Variants in ABI1 observed in about 807,000 individuals in gnomAD.
ABI1 encodes Abelson interactor 1.
Under a neutral mutation model 54.6 loss-of-function variants are expected in ABI1, and 14 were observed. That is an observed-to-expected ratio of 0.26 (90% CI 0.17 to 0.40). The LOEUF is 0.40. ABI1 is among the 10% of genes least tolerant of loss of function. The pLI, the probability that ABI1 is intolerant of heterozygous loss-of-function variation, is 1.00. For synonymous variants in ABI1, 194 were observed against 209.3 expected (o/e 0.93, Z 0.63); for missense variants, 443 against 598.3 (o/e 0.74, Z 2.71).
chr10:26,801,969 T>C (rs964509882), intron 2 of ABI1, among the ~76,000 whole-genome samples: 2 of 152,162 alleles, frequency 1.3e-5, no homozygotes, highest in Non-Finnish European at 2.9e-5. Flanking sequence ...GCCACAAAAA[T>C]AGTTAACAGA....
At chr10:26,828,825 C>G (rs1429598372) in intron 1 of ABI1, among the ~76,000 whole-genome samples, 2 of 152,190 alleles carry the variant, frequency 1.3e-5, no homozygotes, top group Non-Finnish European at 2.9e-5. Context: ...TATAGCAAAT[C>G]ATTAATTATG....
intron 3 of ABI1, among the ~76,000 whole-genome samples, chr10:26,773,968 T>C (rs1841066995): frequency 6.6e-6 from 1 of 152,192 alleles, no homozygotes; most frequent in African/African-American, 2.4e-5. Context: ...ACATAATCTT[T>C]TGAAGCTTAA....
chr10:26,765,376 A>AG, intron 6 of ABI1, 58 bp from the exon 7 acceptor site: 1 of 1,243,892 alleles, frequency 8.0e-7, no homozygotes, highest in East Asian at 2.5e-5. Flanking sequence ...TTAAAAAAAA[A>AG]CTGTAATCAC....
chr10:26,797,737 G>C (rs1844375013), intron 2 of ABI1, among the ~76,000 whole-genome samples: 1 of 152,192 alleles, frequency 6.6e-6, no homozygotes, highest in South Asian at 2.1e-4. Context: ...AGCATGGCTT[G>C]TCGATATCAG....
Position 26,832,561 on chromosome 10 carries a change from G to T in ABI1, c.118-9256C>A, listed in dbSNP as rs1053871042. 8.5e-5 allele frequency among the ~76,000 whole-genome samples: 13 copies of T among 152,140 alleles called. No individual in the cohort carries two copies. In the East Asian group the frequency reaches 2.3e-3, roughly 27 times the overall value. On this transcript the variant is annotated intron_variant, in intron 1 of 10. Transcript: ENST00000376140. Reference sequence around the variant, plus strand: ...ATCACGTCACTGCACTCCAGCCTGGGTGACAAAGTGAGACTCCATCTCAAA... The same window carrying T: ...ATCACGTCACTGCACTCCAGCCTGGTTGACAAAGTGAGACTCCATCTCAAA...
chr10:26,801,422 C>T (rs2046551035), intron 2 of ABI1, among the ~76,000 whole-genome samples: 1 of 152,016 alleles, frequency 6.6e-6, no homozygotes, highest in Admixed American at 6.6e-5. Flanking sequence ...TGGTATGCAC[C>T]TGCAGTCCCA....
At chr10:26,825,187 C>T (rs752156591) in intron 1 of ABI1, among the ~76,000 whole-genome samples, 144 of 152,228 alleles carry the variant, frequency 9.5e-4, no homozygotes, top group Middle Eastern at 6.8e-3. Context: ...CTATGGCATG[C>T]GATATTTGAT....
intron 1 of ABI1, among the ~76,000 whole-genome samples, chr10:26,851,993 C>A (rs537525754): frequency 6.6e-6 from 1 of 151,986 alleles, no homozygotes; most frequent in African/African-American, 2.4e-5. Context: ...TAAAATGACA[C>A]CCATGAGCTG....
chr10:26,763,974 T>C (rs1359745786), intron 7 of ABI1: 2 of 1,599,636 alleles, frequency 1.3e-6, no homozygotes, highest in East Asian at 4.5e-5. Context: ...ATAAAATAGT[T>C]TATAATTCAG....
chr10:26,780,444 G>A (rs1305825228), intron 2 of ABI1, among the ~76,000 whole-genome samples: 2 of 152,156 alleles, frequency 1.3e-5, no homozygotes, highest in African/African-American at 4.8e-5. Flanking sequence ...ATGTTGCCCA[G>A]GCTGGTCTCG....
intron 2 of ABI1, among the ~76,000 whole-genome samples, chr10:26,806,200 C>G (rs942430447): frequency 6.6e-6 from 1 of 152,168 alleles, no homozygotes; most frequent in Non-Finnish European, 1.5e-5. Context: ...TCTGCTTGCA[C>G]TGCAGAAGCT....
intron 2 of ABI1, among the ~76,000 whole-genome samples, chr10:26,813,181 G>A (rs1249181426): frequency 5.3e-5 from 8 of 151,916 alleles, no homozygotes; most frequent in East Asian, 1.9e-4. Context: ...TCCAGGAGGC[G>A]GAGGTTGCAA....
chr10:26,853,563 G>A (rs1245964889), intron 1 of ABI1, among the ~76,000 whole-genome samples: 3 of 129,436 alleles, frequency 2.3e-5, no homozygotes, highest in Non-Finnish European at 3.1e-5. Flanking sequence ...ACGGAGTCTC[G>A]CTCTGTCACC....
intron 2 of ABI1, among the ~76,000 whole-genome samples, chr10:26,805,421 A>T (rs898785172): frequency 1.6e-4 from 20 of 126,618 alleles, no homozygotes; most frequent in East Asian, 3.7e-4. Flanking sequence ...CTTTTTATTT[A>T]AAAAAAAAAA....
intron 2 of ABI1, among the ~76,000 whole-genome samples, chr10:26,814,639 A>G (rs1041888928): frequency 6.6e-6 from 1 of 152,182 alleles, no homozygotes; most frequent in African/African-American, 2.4e-5. Context: ...AAATTTACAA[A>G]ATAAGAAGTG....
chr10:26,768,425 C>A (rs557959932), intron 6 of ABI1, among the ~76,000 whole-genome samples: 1 of 151,622 alleles, frequency 6.6e-6, no homozygotes. Context: ...GTAATCCCAG[C>A]TACTTGGGAG....
At chr10:26,768,826 T>G (rs75653529) in intron 6 of ABI1, 26 bp downstream of exon 6, 2 of 1,598,848 alleles carry the variant, frequency 1.3e-6, no homozygotes, top group Non-Finnish European at 1.7e-6. Flanking sequence ...TTTAGAGATG[T>G]TGAGATACTC....
In ABI1 at chr10:26,777,050, A is replaced by C; in HGVS notation, c.462+15T>G. ...ATATGCAAATTAGCTTGTTAATGTA[A>C]TATAAAATGCTTACCTTGACACCAT... On this transcript the variant is annotated intron_variant, in intron 3 of 10. Transcript: ENST00000376140. 1.2e-5 allele frequency: 18 copies of C among 1,555,412 alleles called. No homozygotes were observed. The highest frequency in any genetic ancestry group is 1.6e-5 in the Non-Finnish European group (18 of 1,155,926).
intron 9 of ABI1, 122 bp from the exon 10 acceptor site, chr10:26,751,905 AT>A: frequency 1.2e-6 from 1 of 862,722 alleles, no homozygotes; most frequent in Non-Finnish European, 1.7e-6. Flanking sequence ...ACATGCAATG[AT>A]TAGAAATAAA....
Sources: allele counts gnomAD v4.1 joint callset (sites outside exome capture counted in the v4.1 genomes callset), GRCh38; gene constraint gnomAD v4.1.1; transcripts MANE v1.5; gene names NCBI Gene and HGNC (gene_info 2026-07-23, HGNC 2026-07-21).